The following LUC7L2 variants were observed in gnomAD, a reference collection of about 807,000 sequenced individuals.
The protein encoded by LUC7L2 is putative RNA-binding protein Luc7-like 2.
LUC7L2 carries 25 observed loss-of-function variants against 52.8 expected under a neutral mutation model. The ratio of observed to expected loss-of-function variants is 0.47; its 90% CI spans 0.34 to 0.66. LUC7L2 has a LOEUF of 0.66. Among genes scored for constraint, LUC7L2 ranks in the 30% least tolerant of loss-of-function variants. The pLI, the probability that LUC7L2 is intolerant of heterozygous loss-of-function variation, is 0.01. For synonymous variants in LUC7L2, 144 were observed against 160.9 expected (o/e 0.89, Z 0.80); for missense variants, 328 against 497.8 (o/e 0.66, Z 3.25).
chr7:139,415,468 T>C (rs1288289349), intron 8 of LUC7L2, among the ~76,000 whole-genome samples: 1 of 152,006 alleles, frequency 6.6e-6, no homozygotes, highest in Non-Finnish European at 1.5e-5. Flanking sequence ...TAACTCAAAA[T>C]GAGTGGTTAA....
At position 139,374,733 on chromosome 7, in the gene LUC7L2, T is replaced by C. The variant is rs117711668; in HGVS notation, c.62-1329T>C. The C allele has an allele frequency of 1.7e-4, 220 of 1,281,898 alleles. 1 individual carries two copies. In the East Asian group the frequency reaches 6.3e-3, roughly 37 times the overall value. The allele number at this position is 1,281,898 out of a possible 1,614,324, so 79.4% of individuals were successfully genotyped here. On this transcript the variant is annotated intron_variant, in intron 1 of 9. Transcript: ENST00000354926. ...ATACCCTGGTTGCAAATTAGAATGTTTTAAAAATATCTTTAACCACGTTAA... is the reference window on the plus strand; with the variant it reads ...ATACCCTGGTTGCAAATTAGAATGTCTTAAAAATATCTTTAACCACGTTAA...
intron 7 of LUC7L2, among the ~76,000 whole-genome samples, chr7:139,410,067 C>T (rs1795288925): frequency 6.6e-6 from 1 of 152,024 alleles, no homozygotes; most frequent in Non-Finnish European, 1.5e-5. Context: ...ATTAGCTGGG[C>T]GAGGTGGCGG....
chr7:139,415,054 G>GTTTTTTTTTTTTTTTT (rs1171809951), intron 8 of LUC7L2, among the ~76,000 whole-genome samples: 5 of 54,182 alleles, frequency 9.2e-5, no homozygotes, highest in Non-Finnish European at 1.2e-4. Context: ...GCCCTGCTAA[G>GTTTTTTTTTTTTTTTT]TTTTTTTTTT....
chr7:139,374,539 A>C, intron 1 of LUC7L2: 1 of 1,547,392 alleles, frequency 6.5e-7, no homozygotes, highest in Non-Finnish European at 8.7e-7. Flanking sequence ...TTTAAAAGGA[A>C]AAAGGACCAT....
At chr7:139,345,957 G>T in intron 1 of LUC7L2, 1 of 271,984 alleles carries the variant, frequency 3.7e-6, no homozygotes, top group Non-Finnish European at 6.8e-6. Context: ...ACAAGCCTTA[G>T]CCAGGCACGG....
At chr7:139,341,191 G>T (rs878942293) in intron 1 of LUC7L2, 11 of 999,858 alleles carry the variant, frequency 1.1e-5, no homozygotes, top group South Asian at 8.5e-5. Flanking sequence ...GGTTTCGTTT[G>T]ATTTTGTTAC....
intron 8 of LUC7L2, among the ~76,000 whole-genome samples, chr7:139,415,054 GTTTTTTTTTTT>G (rs1171809951): frequency 3.0e-4 from 16 of 54,190 alleles, no homozygotes; most frequent in East Asian, 5.4e-4. Context: ...GCCCTGCTAA[GTTTTTTTTTTT>G]TTTTTTTTTT....
upstream of LUC7L2, among the ~76,000 whole-genome samples, chr7:139,358,134 G>C (rs989163774): frequency 6.6e-6 from 1 of 152,044 alleles, no homozygotes; most frequent in Non-Finnish European, 1.5e-5. Context: ...CAGCCTCCGA[G>C]TAGCTGGGAT....
upstream of LUC7L2, among the ~76,000 whole-genome samples, chr7:139,356,603 G>GAAA (rs1799614786): frequency 7.6e-6 from 1 of 131,816 alleles, no homozygotes; most frequent in Non-Finnish European, 1.5e-5. Flanking sequence ...CCAACATGGT[G>GAAA]AAAACCTGCG....
At chr7:139,397,221 C>G (rs1210029040) in intron 2 of LUC7L2, among the ~76,000 whole-genome samples, 1 of 152,098 alleles carries the variant, frequency 6.6e-6, no homozygotes, top group Admixed American at 6.6e-5. Flanking sequence ...TCTGTACAAC[C>G]TGGAACATTA....
intron 1 of LUC7L2, among the ~76,000 whole-genome samples, chr7:139,354,692 A>G (rs1236150008): frequency 2.0e-5 from 3 of 152,206 alleles, no homozygotes; most frequent in African/African-American, 7.2e-5. Flanking sequence ...AAATAGCTTC[A>G]GTATTGAAAC....
intron 9 of LUC7L2, among the ~76,000 whole-genome samples, chr7:139,420,495 G>C (rs536191658): frequency 6.6e-6 from 1 of 152,076 alleles, no homozygotes; most frequent in African/African-American, 2.4e-5. Context: ...GAGCCACCAC[G>C]TCCCACCTTG....
intron 2 of LUC7L2, among the ~76,000 whole-genome samples, chr7:139,384,755 T>G (rs1011259668): frequency 3.9e-5 from 6 of 152,106 alleles, no homozygotes; most frequent in African/African-American, 1.4e-4. Flanking sequence ...ATAATAATTT[T>G]TTTTAAGAGT....
chr7:139,377,231 T>C (rs1308949028), intron 2 of LUC7L2, among the ~76,000 whole-genome samples: 1 of 152,154 alleles, frequency 6.6e-6, no homozygotes, highest in African/African-American at 2.4e-5. Flanking sequence ...TGATACAGAG[T>C]CTTGCTCTGT....
intron 2 of LUC7L2, among the ~76,000 whole-genome samples, chr7:139,387,130 G>T (rs544415592): frequency 4.6e-5 from 7 of 151,862 alleles, no homozygotes; most frequent in African/African-American, 1.7e-4. Context: ...ATGAGCCACC[G>T]TGCCCGGCCA....
intron 2 of LUC7L2, among the ~76,000 whole-genome samples, chr7:139,383,823 TCC>T (rs1569377891): frequency 1.4e-5 from 2 of 147,498 alleles, no homozygotes; most frequent in Non-Finnish European, 3.0e-5. Context: ...AACCTCCGCC[TCC>T]TGGGTTCAGG....
chr7:139,370,732 G>A (rs1367860498), intron 1 of LUC7L2, among the ~76,000 whole-genome samples: 1 of 152,194 alleles, frequency 6.6e-6, no homozygotes, highest in Non-Finnish European at 1.5e-5. Flanking sequence ...TGGGATTACA[G>A]GCATGAGCCA....
chr7:139,384,051 C>T (rs1158319895), intron 2 of LUC7L2, among the ~76,000 whole-genome samples: 1 of 152,058 alleles, frequency 6.6e-6, no homozygotes, highest in Admixed American at 6.6e-5. Flanking sequence ...CTTGCCTGGC[C>T]CTGGCCTGGA....
chr7:139,354,837 T>C (rs1433886842), intron 1 of LUC7L2, among the ~76,000 whole-genome samples: 1 of 150,402 alleles, frequency 6.6e-6, no homozygotes, highest in African/African-American at 2.5e-5. Context: ...TGGAAGTAAA[T>C]AAAACAAAAA....
Sources: gnomAD v4.1 joint callset for allele counts (sites outside exome capture counted in the v4.1 genomes callset) on GRCh38, gnomAD v4.1.1 for gene constraint, MANE v1.5 for transcripts, NCBI Gene and HGNC (gene_info 2026-07-23, HGNC 2026-07-21) for gene names.